NHERF2: variants seen among roughly 807,000 people sequenced by gnomAD.
The protein encoded by NHERF2 is Na(+)/H(+) exchange regulatory cofactor NHE-RF2.
At chr16:2,027,188 C>A in the NHERF2 span, 2 of 1,449,562 alleles carry the variant, frequency 1.4e-6, no homozygotes, top group Non-Finnish European at 1.8e-6. Flanking sequence ...AGGTCAACGG[C>A]GTCAACGTGG....
chr16:2,037,489 CAGGTGTTGTGTGTGT>C, the NHERF2 span: 4 of 1,495,238 alleles, frequency 2.7e-6, no homozygotes, highest in African/African-American at 5.5e-5. Flanking sequence ...TGTGCGTGTG[CAGGTGTTGTGTGTGT>C]CTGTGAAACC....
the NHERF2 span, chr16:2,035,603 C>T: frequency 4.1e-6 from 4 of 986,534 alleles, no homozygotes; most frequent in Non-Finnish European, 4.8e-6. Context: ...GCCGCCGCAC[C>T]CTGGCCCACC....
the NHERF2 span, among the ~76,000 whole-genome samples, chr16:2,030,300 T>C: frequency 6.6e-6 from 1 of 152,256 alleles, no homozygotes; most frequent in African/African-American, 2.4e-5. Flanking sequence ...TAGGTGGGGC[T>C]GGGAGCATGG....
chr16:2,033,721 C>T, the NHERF2 span, among the ~76,000 whole-genome samples: 32 of 152,014 alleles, frequency 2.1e-4, no homozygotes, highest in African/African-American at 7.5e-4. Flanking sequence ...AGCCCGAGGG[C>T]CTGGCGGGAG....
chr16:2,036,416 G>C, the NHERF2 span: 1 of 1,608,128 alleles, frequency 6.2e-7, no homozygotes, highest in South Asian at 1.1e-5. Flanking sequence ...ATAGTGACAA[G>C]TCCCGGCCCG....
At chr16:2,036,460 C>T in the NHERF2 span, 2 of 1,602,374 alleles carry the variant, frequency 1.2e-6, no homozygotes, top group Non-Finnish European at 8.5e-7. Context: ...CCGGGCTCAC[C>T]TGCCGCCCGC....
At chr16:2,027,978 C>T in the NHERF2 span, among the ~76,000 whole-genome samples, 8 of 152,194 alleles carry the variant, frequency 5.3e-5, no homozygotes, top group Non-Finnish European at 7.3e-5. Context: ...GGTTACTGGC[C>T]GAAGCCTCCT....
the NHERF2 span, chr16:2,029,852 T>A: frequency 7.3e-7 from 1 of 1,375,624 alleles, no homozygotes; most frequent in Non-Finnish European, 1.0e-6. Flanking sequence ...TTGACGACGA[T>A]CTTTGCCTTT....
the NHERF2 span, chr16:2,037,402 G>T: frequency 1.2e-6 from 1 of 846,728 alleles, no homozygotes; most frequent in Non-Finnish European, 1.9e-6. Context: ...CGCCGCATCT[G>T]GAGTCCACCA....
the NHERF2 span, chr16:2,033,380 C>G: frequency 4.6e-6 from 7 of 1,533,348 alleles, no homozygotes; most frequent in Non-Finnish European, 6.1e-6. Flanking sequence ...GCCACGCCAC[C>G]TGCCCGGGCT....
chr16:2,037,058 G>C, the NHERF2 span: 1 of 1,530,604 alleles, frequency 6.5e-7, no homozygotes, highest in South Asian at 1.2e-5. Flanking sequence ...AGGCCCGACA[G>C]AGGCCCCCTT....
At chr16:2,038,264 C>A in the NHERF2 span, 10 of 555,510 alleles carry the variant, frequency 1.8e-5, no homozygotes, top group African/African-American at 7.6e-5. Context: ...AGAGAGAGAG[C>A]GAGCGAGCGC....
At chr16:2,037,070 TC>T in the NHERF2 span, 2 of 1,503,860 alleles carry the variant, frequency 1.3e-6, no homozygotes, top group Non-Finnish European at 1.8e-6. Context: ...GGCCCCCTTC[TC>T]CCTGGAGATC....
chr16:2,031,837 G>A, the NHERF2 span, among the ~76,000 whole-genome samples: 11 of 152,132 alleles, frequency 7.2e-5, no homozygotes, highest in South Asian at 4.2e-4. Context: ...GATTACAGGC[G>A]CGCACCACCA....
the NHERF2 span, chr16:2,036,528 G>A: frequency 4.6e-5 from 72 of 1,562,084 alleles, no homozygotes; most frequent in South Asian, 6.9e-4. Flanking sequence ...GGGCTGCGGG[G>A]TGCCGAGTGC....
At chr16:2,037,648 C>A in the NHERF2 span, 1 of 1,597,072 alleles carries the variant, frequency 6.3e-7, no homozygotes, top group Non-Finnish European at 8.5e-7. Context: ...TTGCTAGAGG[C>A]CTTGGGGTAG....
chr16:2,035,367 C>T, the NHERF2 span: 219 of 948,342 alleles, frequency 2.3e-4, no homozygotes, highest in Middle Eastern at 1.6e-3. Context: ...GAGGTCTGAG[C>T]GCCCCCTTGC....
the NHERF2 span, among the ~76,000 whole-genome samples, chr16:2,030,767 C>G: frequency 6.6e-6 from 1 of 151,984 alleles, no homozygotes; most frequent in South Asian, 2.1e-4. Flanking sequence ...TGGTGAAACC[C>G]CCGTCTCTAC....
At chr16:2,036,075 C>T in the NHERF2 span, 1 of 506,266 alleles carries the variant, frequency 2.0e-6, no homozygotes, top group East Asian at 3.2e-5. Flanking sequence ...AAGGAATTCT[C>T]CCAGCAACCC....
Sources: gnomAD v4.1 joint callset for allele counts (sites outside exome capture counted in the v4.1 genomes callset) on GRCh38, gnomAD v4.1.1 for gene constraint, MANE v1.5 for transcripts, NCBI Gene and HGNC (gene_info 2026-07-23, HGNC 2026-07-21) for gene names.